Variants in USH2A observed in about 807,000 individuals in gnomAD.
The protein encoded by USH2A is usherin, also known as Usher syndrome 2A (autosomal recessive, mild).
Under a neutral mutation model 538.9 loss-of-function variants are expected in USH2A, and 443 were observed. The ratio of observed to expected loss-of-function variants is 0.82; its 90% CI spans 0.76 to 0.89. The LOEUF (loss-of-function observed/expected upper bound fraction) is 0.89, where lower values mean the gene tolerates loss of function less well. USH2A is among the 40% of genes least tolerant of loss of function. The pLI is 0.00. For missense variants in USH2A, 6,633 were observed against 6,324.8 expected, an observed-to-expected ratio of 1.05 and a Z score of -1.65; for synonymous variants, 2,413 against 2,273.5, an observed-to-expected ratio of 1.06 and a Z score of -1.75.
chr1:216,014,373 A>C (rs1668655324), intron 32 of USH2A, among the ~76,000 whole-genome samples: 1 of 152,224 alleles, frequency 6.6e-6, no homozygotes, highest in South Asian at 2.1e-4. Flanking sequence ...AGCCATAAAC[A>C]AAGCCACCAA....
chr1:216,397,958 C>G (rs758546690), intron 3 of USH2A, among the ~76,000 whole-genome samples: 15 of 152,148 alleles, frequency 9.9e-5, no homozygotes, highest in South Asian at 2.1e-4. Flanking sequence ...TCTGGAGAAC[C>G]CTGACTAATA....
chr1:215,753,202 C>T (rs1660678074), intron 58 of USH2A, among the ~76,000 whole-genome samples: 1 of 152,068 alleles, frequency 6.6e-6, no homozygotes, highest in Non-Finnish European at 1.5e-5. Context: ...AACACTTTTA[C>T]ACTGTTGGTG....
intron 37 of USH2A, among the ~76,000 whole-genome samples, chr1:215,951,487 T>C (rs1180865150): frequency 2.0e-5 from 3 of 152,166 alleles, no homozygotes; most frequent in African/African-American, 7.2e-5. Context: ...TGTGGTCAAT[T>C]TTGGAATAGG....
At chr1:215,929,221 A>T (rs987310538) in intron 38 of USH2A, among the ~76,000 whole-genome samples, 3 of 152,158 alleles carry the variant, frequency 2.0e-5, no homozygotes, top group African/African-American at 7.2e-5. Context: ...AATTATATTT[A>T]ATAAGTAGCT....
chr1:215,796,457 G>A (rs2102776133), intron 50 of USH2A, among the ~76,000 whole-genome samples: 1 of 150,646 alleles, frequency 6.6e-6, no homozygotes, highest in South Asian at 2.1e-4. Flanking sequence ...ATTTATATTT[G>A]TGGTCAATGA....
chr1:215,907,056 A>G (rs759135752), intron 38 of USH2A, among the ~76,000 whole-genome samples: 58 of 152,042 alleles, frequency 3.8e-4, no homozygotes, highest in Non-Finnish European at 8.1e-4. Context: ...GTCCCATCAC[A>G]TTATTGAATA....
chr1:216,056,520 C>A (rs1174714443), intron 30 of USH2A, among the ~76,000 whole-genome samples: 1 of 152,108 alleles, frequency 6.6e-6, no homozygotes, highest in African/African-American at 2.4e-5. Flanking sequence ...ATTACTCCTC[C>A]CATTTGACCT....
At chr1:215,721,950 A>T (rs1438946029) in intron 61 of USH2A, among the ~76,000 whole-genome samples, 1 of 152,048 alleles carries the variant, frequency 6.6e-6, no homozygotes, top group Non-Finnish European at 1.5e-5. Context: ...CTATAGTCCC[A>T]GCTACTTGGG....
chr1:216,212,149 T>C (rs1043426387), intron 15 of USH2A, among the ~76,000 whole-genome samples: 1 of 152,160 alleles, frequency 6.6e-6, no homozygotes, highest in Non-Finnish European at 1.5e-5. Context: ...AGAAAATGAT[T>C]TGCATTACAT....
chr1:215,891,986 T>G (rs73090776), intron 40 of USH2A, among the ~76,000 whole-genome samples: 3 of 152,214 alleles, frequency 2.0e-5, no homozygotes, highest in Admixed American at 6.5e-5. Flanking sequence ...GAAAGTAGTT[T>G]CATTTTGGCA....
chr1:216,396,651 A>G (rs1161359813), intron 3 of USH2A, among the ~76,000 whole-genome samples: 5 of 152,208 alleles, frequency 3.3e-5, no homozygotes, highest in African/African-American at 9.6e-5. Flanking sequence ...AAGAATTTCC[A>G]GTCATAAGAT....
chr1:215,651,597 GC>G (rs1657080936), intron 64 of USH2A, among the ~76,000 whole-genome samples: 1 of 150,744 alleles, frequency 6.6e-6, no homozygotes, highest in African/African-American at 2.4e-5. Context: ...TTGCCCCCGA[GC>G]TTTTAAAGAC....
chr1:215,944,941 T>C (rs1666721615), intron 37 of USH2A, among the ~76,000 whole-genome samples: 1 of 152,078 alleles, frequency 6.6e-6, no homozygotes, highest in South Asian at 2.1e-4. Context: ...GTGTTAATAT[T>C]ACCTTGAAAT....
chr1:216,340,520 C>A (rs2038056845), intron 4 of USH2A, among the ~76,000 whole-genome samples: 1 of 141,336 alleles, frequency 7.1e-6, no homozygotes, highest in Non-Finnish European at 1.5e-5. Context: ...ATACAAAAAA[C>A]CTGGCAGAGA....
intron 37 of USH2A, among the ~76,000 whole-genome samples, chr1:215,956,780 G>A (rs1667078748): frequency 1.3e-5 from 2 of 152,164 alleles, no homozygotes; most frequent in Non-Finnish European, 2.9e-5. Flanking sequence ...TGCTGTGTGA[G>A]TGTTGAGAAC....
At chr1:215,901,370 T>A in intron 38 of USH2A, 1 of 149,820 alleles carries the variant, frequency 6.7e-6, no homozygotes, top group Non-Finnish European at 1.4e-5. Context: ...TTTTCCTTTC[T>A]TTTTTTTTTT....
chr1:216,046,361 A>C, intron 32 of USH2A, 70 bp downstream of exon 32: 1 of 1,586,158 alleles, frequency 6.3e-7, no homozygotes. Context: ...GGATATCGAG[A>C]GCCAACTATA....
intron 69 of USH2A, among the ~76,000 whole-genome samples, chr1:215,636,711 A>C (rs1388269591): frequency 6.6e-6 from 1 of 152,074 alleles, no homozygotes; most frequent in African/African-American, 2.4e-5. Flanking sequence ...AGTCAGAGGA[A>C]AATGAGGTCT....
intron 13 of USH2A, among the ~76,000 whole-genome samples, chr1:216,233,422 A>G (rs1053878932): frequency 6.6e-6 from 1 of 152,086 alleles, no homozygotes; most frequent in Admixed American, 6.6e-5. Flanking sequence ...TTTGTTTCCT[A>G]AGTGTTCATG....
Sources: gnomAD v4.1 joint callset for allele counts (sites outside exome capture counted in the v4.1 genomes callset) on GRCh38, gnomAD v4.1.1 for gene constraint, MANE v1.5 for transcripts, NCBI Gene and HGNC (gene_info 2026-07-23, HGNC 2026-07-21) for gene names.